The following RPS6KC1 variants were observed in gnomAD, a reference collection of about 807,000 sequenced individuals.
RPS6KC1 encodes ribosomal protein S6 kinase C1, also known as inactive ribosomal protein S6 kinase delta-1.
A neutral mutation model predicts 103.8 loss-of-function variants in RPS6KC1; 54 were observed. The ratio of observed to expected loss-of-function variants is 0.52; its 90% CI spans 0.42 to 0.65. The LOEUF (loss-of-function observed/expected upper bound fraction) is 0.65, where lower values mean the gene tolerates loss of function less well. Among genes scored for constraint, RPS6KC1 ranks in the 30% least tolerant of loss-of-function variants. The probability of loss-of-function intolerance (pLI) is 0.00; values close to 1 mark genes in which losing one functional copy is unlikely to be tolerated. For missense variants in RPS6KC1, 1,151 were observed against 1,253.8 expected (o/e 0.92, Z 1.24); for synonymous variants, 439 against 438.7 (o/e 1.00, Z -0.01).
downstream of RPS6KC1, among the ~76,000 whole-genome samples, chr1:213,277,325 G>A (rs2095114248): frequency 6.6e-6 from 1 of 152,196 alleles, no homozygotes; most frequent in African/African-American, 2.4e-5. Flanking sequence ...GTAGTCAGAT[G>A]GTTTGGCCTT....
the RPS6KC1 span, among the ~76,000 whole-genome samples, chr1:213,765,330 G>A: frequency 2.0e-5 from 3 of 152,096 alleles, no homozygotes; most frequent in African/African-American, 7.2e-5. Context: ...CCTCTCCGGG[G>A]AAAAAGACAG....
chr1:213,697,741 A>G, the RPS6KC1 span, among the ~76,000 whole-genome samples: 1 of 152,172 alleles, frequency 6.6e-6, no homozygotes, highest in Non-Finnish European at 1.5e-5. Flanking sequence ...CAGGATACAG[A>G]TGGGGCCAAG....
At chr1:213,130,130 A>T (rs910347096) in intron 6 of RPS6KC1, among the ~76,000 whole-genome samples, 48 of 152,320 alleles carry the variant, frequency 3.2e-4, no homozygotes, top group African/African-American at 1.1e-3. Context: ...ATTTAAAAAA[A>T]AGTCAGCATG....
At chr1:213,057,752 C>CTTTTTTTTT (rs869259657) in intron 1 of RPS6KC1, among the ~76,000 whole-genome samples, 50 of 73,700 alleles carry the variant, frequency 6.8e-4, no homozygotes, top group Middle Eastern at 0.017. Context: ...TCTGAAGTAT[C>CTTTTTTTTT]TTTTTTTTTT....
the RPS6KC1 span, among the ~76,000 whole-genome samples, chr1:213,813,208 G>A: frequency 1.6e-4 from 24 of 151,928 alleles, no homozygotes; most frequent in South Asian, 4.2e-4. Context: ...CTGAGATCAC[G>A]CCACTGCACT....
At chr1:213,070,669 C>T (rs551555570) in intron 1 of RPS6KC1, among the ~76,000 whole-genome samples, 1 of 152,192 alleles carries the variant, frequency 6.6e-6, no homozygotes, top group African/African-American at 2.4e-5. Context: ...ACAGTTGGCT[C>T]TCTTTGGCCA....
the RPS6KC1 span, among the ~76,000 whole-genome samples, chr1:213,320,425 C>A: frequency 6.6e-6 from 1 of 152,220 alleles, no homozygotes; most frequent in Non-Finnish European, 1.5e-5. Context: ...TAATTAATTT[C>A]TGTGAGCCAC....
chr1:213,343,564 T>TATG, the RPS6KC1 span, among the ~76,000 whole-genome samples: 1 of 151,018 alleles, frequency 6.6e-6, no homozygotes, highest in Non-Finnish European at 1.5e-5. Context: ...CCAAACGTTG[T>TATG]ATGTTCTCAC....
the RPS6KC1 span, among the ~76,000 whole-genome samples, chr1:213,623,895 C>T: frequency 6.6e-6 from 1 of 152,096 alleles, no homozygotes; most frequent in South Asian, 2.1e-4. Context: ...ATCCACCTGC[C>T]CGAGATGTCG....
At chr1:213,069,341 G>C (rs1009650170) in intron 1 of RPS6KC1, among the ~76,000 whole-genome samples, 2 of 152,112 alleles carry the variant, frequency 1.3e-5, no homozygotes, top group Non-Finnish European at 2.9e-5. Context: ...TTCTTAGGTG[G>C]GACCTTTTAC....
chr1:213,606,343 G>T, the RPS6KC1 span, among the ~76,000 whole-genome samples: 2 of 152,196 alleles, frequency 1.3e-5, no homozygotes. Context: ...CACTGGCCCT[G>T]CTGGCCCCAA....
intron 8 of RPS6KC1, among the ~76,000 whole-genome samples, chr1:213,190,177 G>A (rs2092698118): frequency 1.3e-5 from 2 of 152,220 alleles, no homozygotes; most frequent in Admixed American, 1.3e-4. Flanking sequence ...CCTAAGAGTG[G>A]GATTGCTGGA....
chr1:213,096,656 C>T (rs891546917), intron 3 of RPS6KC1, among the ~76,000 whole-genome samples: 19 of 151,372 alleles, frequency 1.3e-4, no homozygotes, highest in Non-Finnish European at 2.4e-4. Flanking sequence ...CAGCACGAGA[C>T]ACTGTATCAA....
At chr1:213,441,727 G>A in the RPS6KC1 span, among the ~76,000 whole-genome samples, 110 of 152,298 alleles carry the variant, frequency 7.2e-4, 1 homozygote, top group African/African-American at 2.6e-3. Context: ...TGGTCAAAGG[G>A]AACCAAATCT....
the RPS6KC1 span, among the ~76,000 whole-genome samples, chr1:213,584,320 C>A: frequency 6.6e-6 from 1 of 152,190 alleles, no homozygotes. Flanking sequence ...ACATCATTAA[C>A]AAGCACCACA....
At chr1:213,670,163 G>T in the RPS6KC1 span, among the ~76,000 whole-genome samples, 2,982 of 152,318 alleles carry the variant, frequency 0.02, 100 homozygotes, top group African/African-American at 0.068. Context: ...CTTCGAGGAG[G>T]TCCCTGTGCT....
chr1:213,260,745 G>A (rs2094770587), intron 12 of RPS6KC1, among the ~76,000 whole-genome samples: 2 of 125,636 alleles, frequency 1.6e-5, no homozygotes, highest in African/African-American at 3.2e-5. Context: ...TAATGTAAGG[G>A]CTAAAAGCCT....
intron 8 of RPS6KC1, among the ~76,000 whole-genome samples, chr1:213,211,276 AAAACC>A (rs1181861544): frequency 6.6e-6 from 1 of 152,250 alleles, no homozygotes; most frequent in Admixed American, 6.5e-5. Flanking sequence ...TTGGGCCTAT[AAAACC>A]AGAACTTTAG....
the RPS6KC1 span, among the ~76,000 whole-genome samples, chr1:213,630,504 C>T: frequency 1.3e-5 from 2 of 152,084 alleles, no homozygotes; most frequent in African/African-American, 4.8e-5. Flanking sequence ...AGGTTTTTAA[C>T]TTCTTTGCCA....
Sources: gnomAD v4.1 joint callset for allele counts (sites outside exome capture counted in the v4.1 genomes callset) on GRCh38, gnomAD v4.1.1 for gene constraint, MANE v1.5 for transcripts, NCBI Gene and HGNC (gene_info 2026-07-23, HGNC 2026-07-21) for gene names.